The following TGFBR3 variants were observed in gnomAD, a reference collection of about 807,000 sequenced individuals.
TGFBR3 encodes transforming growth factor beta receptor type 3.
A neutral mutation model predicts 87.9 loss-of-function variants in TGFBR3; 46 were observed. The ratio of observed to expected loss-of-function variants is 0.52; its 90% CI spans 0.41 to 0.67. The LOEUF (loss-of-function observed/expected upper bound fraction) is 0.67, where lower values mean the gene tolerates loss of function less well. Ranked by LOEUF, TGFBR3 falls within the 30% of genes least tolerant of loss-of-function variation. TGFBR3 has a pLI of 0.00. For missense variants in TGFBR3, 866 were observed against 1,041.9 expected (o/e 0.83, Z 2.32); for synonymous variants, 381 against 391.6 (o/e 0.97, Z 0.32).
At chr1:91,736,563 C>T (rs561988823) in intron 4 of TGFBR3, among the ~76,000 whole-genome samples, 26 of 151,862 alleles carry the variant, frequency 1.7e-4, no homozygotes, top group African/African-American at 3.1e-4. Flanking sequence ...GTTTTGACGT[C>T]GCCTGAATAA....
At chr1:91,848,185 C>G (rs1038787787) in intron 2 of TGFBR3, among the ~76,000 whole-genome samples, 2 of 152,202 alleles carry the variant, frequency 1.3e-5, no homozygotes, top group African/African-American at 4.8e-5. Context: ...TTTTATGGCA[C>G]TAAGAAATTG....
At chr1:91,702,314 G>A (rs927867593) in intron 14 of TGFBR3, among the ~76,000 whole-genome samples, 1 of 152,018 alleles carries the variant, frequency 6.6e-6, no homozygotes, top group African/African-American at 2.4e-5. Context: ...ACTTTCCCCA[G>A]CAATGCAACC....
chr1:91,695,605 A>G, intron 16 of TGFBR3, 67 bp downstream of exon 16: 4 of 1,212,008 alleles, frequency 3.3e-6, no homozygotes, highest in Non-Finnish European at 4.9e-6. Context: ...CCAACAAAAC[A>G]CTGAGTGTCT....
At chr1:91,688,250 C>T (rs1671155922) in intron 16 of TGFBR3, among the ~76,000 whole-genome samples, 1 of 152,140 alleles carries the variant, frequency 6.6e-6, no homozygotes, top group Admixed American at 6.5e-5. Context: ...TGTATATGGA[C>T]TTTGGTTTTC....
intron 2 of TGFBR3, among the ~76,000 whole-genome samples, chr1:91,856,411 T>C (rs1482935463): frequency 6.6e-6 from 1 of 152,042 alleles, no homozygotes; most frequent in African/African-American, 2.4e-5. Context: ...GGGACATGGA[T>C]ATCCCCCGAC....
chr1:91,804,547 T>C (rs908284818), intron 2 of TGFBR3, among the ~76,000 whole-genome samples: 13 of 152,144 alleles, frequency 8.5e-5, no homozygotes, highest in Admixed American at 1.3e-4. Flanking sequence ...GCCAGCTCCA[T>C]TCAGGAAGGC....
chr1:91,799,377 C>T (rs1675515356), intron 2 of TGFBR3, among the ~76,000 whole-genome samples: 1 of 152,216 alleles, frequency 6.6e-6, no homozygotes, highest in Non-Finnish European at 1.5e-5. Flanking sequence ...GAGGTACTGA[C>T]TGTAAATTCC....
intron 2 of TGFBR3, among the ~76,000 whole-genome samples, chr1:91,814,195 T>C (rs1676123915): frequency 6.6e-6 from 1 of 151,672 alleles, no homozygotes; most frequent in African/African-American, 2.4e-5. Flanking sequence ...CAAATCATTA[T>C]TATGTAAGGA....
chr1:91,725,259 C>T (rs1672510378), intron 7 of TGFBR3, among the ~76,000 whole-genome samples: 1 of 152,146 alleles, frequency 6.6e-6, no homozygotes, highest in African/African-American at 2.4e-5. Context: ...CATAAGACAT[C>T]CATATTTAAT....
intron 3 of TGFBR3, among the ~76,000 whole-genome samples, chr1:91,783,571 C>T (rs946120807): frequency 1.3e-5 from 2 of 152,302 alleles, no homozygotes; most frequent in South Asian, 2.1e-4. Flanking sequence ...CTGGACACCA[C>T]GCTCTAAATA....
intron 16 of TGFBR3, among the ~76,000 whole-genome samples, chr1:91,688,956 C>G (rs546766395): frequency 1.2e-4 from 19 of 152,080 alleles, no homozygotes; most frequent in African/African-American, 4.6e-4. Context: ...CTGGAACAGA[C>G]GGAAACCCCA....
upstream of TGFBR3, among the ~76,000 whole-genome samples, chr1:91,886,499 A>T (rs190075317): frequency 2.9e-3 from 436 of 152,316 alleles, 3 homozygotes; most frequent in African/African-American, 0.01. Flanking sequence ...AGACGTGGGC[A>T]CGAGCTGCGG....
intron 3 of TGFBR3, among the ~76,000 whole-genome samples, chr1:91,776,456 G>A (rs954049207): frequency 6.6e-6 from 1 of 152,208 alleles, no homozygotes; most frequent in Non-Finnish European, 1.5e-5. Context: ...TGAATTCAAG[G>A]TTAGGTTCTA....
chr1:91,900,244 C>G (rs1239994880), intron 1 of TGFBR3, among the ~76,000 whole-genome samples: 1 of 151,990 alleles, frequency 6.6e-6, no homozygotes, highest in East Asian at 1.9e-4. Context: ...CTCCCGAGTA[C>G]CTGGGACTAC....
At chr1:91,814,234 T>C (rs1310235520) in intron 2 of TGFBR3, among the ~76,000 whole-genome samples, 1 of 152,186 alleles carries the variant, frequency 6.6e-6, no homozygotes, top group African/African-American at 2.4e-5. Context: ...TATGTATGTA[T>C]ATATACACAC....
At chr1:91,885,244 G>C (rs1316024124) in intron 1 of TGFBR3, among the ~76,000 whole-genome samples, 1 of 152,096 alleles carries the variant, frequency 6.6e-6, no homozygotes, top group Non-Finnish European at 1.5e-5. Flanking sequence ...CTGCAAAGCG[G>C]GGCAAATGCC....
At chr1:91,892,697 C>T (rs1304449963) in intron 2 of TGFBR3, among the ~76,000 whole-genome samples, 1 of 152,182 alleles carries the variant, frequency 6.6e-6, no homozygotes, top group Non-Finnish European at 1.5e-5. Flanking sequence ...GGATCATCAT[C>T]TTATCTGTGC....
intron 2 of TGFBR3, among the ~76,000 whole-genome samples, chr1:91,834,367 C>T (rs1055685599): frequency 7.2e-5 from 11 of 152,176 alleles, no homozygotes; most frequent in African/African-American, 2.4e-4. Flanking sequence ...TAGTAACAGA[C>T]GCTGCTGAGA....
At chr1:91,865,195 T>C (rs1678345620) in intron 1 of TGFBR3, among the ~76,000 whole-genome samples, 1 of 86,770 alleles carries the variant, frequency 1.2e-5, no homozygotes, top group Non-Finnish European at 2.1e-5. Context: ...AGAGTGAGAC[T>C]CCATCTCAAA....
Sources: gnomAD v4.1 joint callset for allele counts (sites outside exome capture counted in the v4.1 genomes callset) on GRCh38, gnomAD v4.1.1 for gene constraint, MANE v1.5 for transcripts, NCBI Gene and HGNC (gene_info 2026-07-23, HGNC 2026-07-21) for gene names.